Variants in ROBO1 observed in about 807,000 individuals in gnomAD.
The protein encoded by ROBO1 is roundabout guidance receptor 1, also known as roundabout homolog 1.
In ROBO1, 149 loss-of-function variants were observed where a neutral mutation model predicts 195.9. The observed-to-expected ratio is 0.76, with a 90% CI of 0.67 to 0.87. The LOEUF is 0.87. ROBO1 is among the 40% of genes least tolerant of loss of function. The pLI, the probability that ROBO1 is intolerant of heterozygous loss-of-function variation, is 0.00. For missense variants in ROBO1, 1,933 were observed against 2,068.3 expected (o/e 0.93, Z 1.27); for synonymous variants, 816 against 733.2 (o/e 1.11, Z -1.82).
At chr3:79,220,523 A>G (rs1447672484) in intron 2 of ROBO1, among the ~76,000 whole-genome samples, 1 of 151,994 alleles carries the variant, frequency 6.6e-6, no homozygotes, top group East Asian at 1.9e-4. Context: ...CTCATACAGC[A>G]TAAAGAGATG....
At chr3:79,765,890 T>C (rs1704958098) in intron 1 of ROBO1, among the ~76,000 whole-genome samples, 1 of 151,956 alleles carries the variant, frequency 6.6e-6, no homozygotes, top group African/African-American at 2.4e-5. Flanking sequence ...TTAAACAACC[T>C]CCCACCACTA....
At chr3:79,370,625 A>G (rs993313058) in intron 2 of ROBO1, among the ~76,000 whole-genome samples, 2 of 151,028 alleles carry the variant, frequency 1.3e-5, no homozygotes, top group Non-Finnish European at 3.0e-5. Flanking sequence ...ACAGGGTGTT[A>G]TGATGTAAGT....
chr3:79,167,370 C>T (rs1004790360), intron 2 of ROBO1, among the ~76,000 whole-genome samples: 5 of 152,066 alleles, frequency 3.3e-5, no homozygotes, highest in African/African-American at 1.2e-4. Context: ...AGAATTTAGC[C>T]TTCTGTTCTA....
intron 1 of ROBO1, among the ~76,000 whole-genome samples, chr3:79,620,090 A>C (rs2107971567): frequency 6.6e-6 from 1 of 152,330 alleles, no homozygotes; most frequent in Admixed American, 6.5e-5. Context: ...ATCTTGCTTC[A>C]AGTGCCAGAA....
chr3:79,302,462 C>A (rs768574366), intron 2 of ROBO1, among the ~76,000 whole-genome samples: 1 of 152,154 alleles, frequency 6.6e-6, no homozygotes, highest in Non-Finnish European at 1.5e-5. Flanking sequence ...AAATTGAAAT[C>A]TCTCCCTAAT....
intron 4 of ROBO1, among the ~76,000 whole-genome samples, chr3:78,799,562 C>G (rs559919138): frequency 3.3e-5 from 5 of 152,128 alleles, no homozygotes; most frequent in Admixed American, 2.6e-4. Context: ...AGGATGGTCT[C>G]GATCTCCTGA....
At chr3:78,637,009 C>T (rs537996984) in intron 22 of ROBO1, among the ~76,000 whole-genome samples, 1 of 126,954 alleles carries the variant, frequency 7.9e-6, no homozygotes, top group African/African-American at 3.1e-5. Flanking sequence ...GTAGGAAGAA[C>T]TGAAATCATA....
chr3:78,741,143 A>G (rs2082524121), intron 5 of ROBO1, among the ~76,000 whole-genome samples: 1 of 152,122 alleles, frequency 6.6e-6, no homozygotes, highest in Non-Finnish European at 1.5e-5. Context: ...ATTTGTTTTT[A>G]TGCTTGTAAT....
At chr3:78,723,596 C>G (rs1464572099) in intron 5 of ROBO1, among the ~76,000 whole-genome samples, 1 of 152,066 alleles carries the variant, frequency 6.6e-6, no homozygotes, top group East Asian at 1.9e-4. Flanking sequence ...CACCCTTCCT[C>G]TCCCCGGAGA....
chr3:79,680,074 G>A (rs1946899067), intron 1 of ROBO1, among the ~76,000 whole-genome samples: 1 of 151,992 alleles, frequency 6.6e-6, no homozygotes, highest in Non-Finnish European at 1.5e-5. Flanking sequence ...TCACTAGTTA[G>A]CTAGTGATGG....
At chr3:79,497,692 T>C (rs1939825768) in intron 2 of ROBO1, among the ~76,000 whole-genome samples, 1 of 152,202 alleles carries the variant, frequency 6.6e-6, no homozygotes, top group Non-Finnish European at 1.5e-5. Context: ...TGCCCTCTAG[T>C]GGAACTTTAA....
At chr3:79,126,155 T>C (rs1018080426) in intron 2 of ROBO1, among the ~76,000 whole-genome samples, 5 of 152,194 alleles carry the variant, frequency 3.3e-5, no homozygotes, top group African/African-American at 1.2e-4. Context: ...AGGACTGATA[T>C]AAATTTACTG....
At chr3:79,413,242 C>T (rs980129084) in intron 2 of ROBO1, among the ~76,000 whole-genome samples, 4 of 151,982 alleles carry the variant, frequency 2.6e-5, no homozygotes, top group Non-Finnish European at 5.9e-5. Context: ...GGGCTATTTA[C>T]TGTTAGCTCC....
Position 79,442,596 on chromosome 3 carries a change from A to G in ROBO1, c.88+147228T>C, listed in dbSNP as rs1054110098. Among the ~76,000 whole-genome samples, 9 of 152,054 alleles carry G rather than the reference A, an allele frequency of 5.9e-5. 1 individual carries two copies. In the South Asian group the frequency reaches 1.7e-3, roughly 28 times the overall value. On this transcript the variant is annotated intron_variant, in intron 2 of 30. Transcript: ENST00000464233. ...AGAGGGTTGTGGCTGTGGAAGTCTC[A>G]CTTCTGTTGTCTCTGAAAATTACCC...
intron 2 of ROBO1, among the ~76,000 whole-genome samples, chr3:79,269,801 A>C (rs2030353199): frequency 6.6e-6 from 1 of 151,872 alleles, no homozygotes; most frequent in Non-Finnish European, 1.5e-5. Context: ...CAAGATTAAA[A>C]CAACTCCCAT....
intron 2 of ROBO1, among the ~76,000 whole-genome samples, chr3:79,314,202 A>G (rs2033623756): frequency 1.3e-5 from 2 of 152,148 alleles, no homozygotes; most frequent in African/African-American, 4.8e-5. Context: ...TTTAGGTTTT[A>G]TTTTTAATTT....
intron 4 of ROBO1, among the ~76,000 whole-genome samples, chr3:78,870,391 T>A (rs549492339): frequency 6.6e-6 from 1 of 152,334 alleles, no homozygotes; most frequent in African/African-American, 2.4e-5. Flanking sequence ...GCAAGTGTGT[T>A]TTCCATGTTT....
chr3:78,654,045 A>C (rs11915494), intron 18 of ROBO1, among the ~76,000 whole-genome samples: 39,218 of 152,114 alleles, frequency 0.26, 5,295 homozygotes, highest in African/African-American at 0.33. Context: ...TCAATCCAAA[A>C]ATACATTTTT....
In ROBO1 at chr3:78,597,696, C is replaced by T. The variant is rs186432917; in HGVS notation, c.*1217G>A. On this transcript the variant is annotated 3_prime_UTR_variant, in exon 31 of 31. Transcript: ENST00000464233. ...TTTAAGGAAATCTTGTAGGTTTCGA[C>T]ATTGGCCACAACAAACTTAAACCTC... The T allele has an allele frequency of 8.9e-4, 136 of 152,464 alleles. No individual in the cohort carries two copies. Among genetic ancestry groups the T allele is most frequent in the African/African-American group, 3.2e-3 (132 of 41,540 alleles). 9.4% of individuals were successfully genotyped at this position (152,464 alleles called of 1,614,324 possible). A position where few individuals can be genotyped will look rare whatever the true frequency, so the allele number is the denominator to read the frequency against.
Sources: gnomAD v4.1 joint callset for allele counts (sites outside exome capture counted in the v4.1 genomes callset) on GRCh38, gnomAD v4.1.1 for gene constraint, MANE v1.5 for transcripts, NCBI Gene and HGNC (gene_info 2026-07-23, HGNC 2026-07-21) for gene names.